The following RNF43 variants were observed in gnomAD, a reference collection of about 807,000 sequenced individuals.
RNF43 encodes the protein ring finger protein 43.
Under a neutral mutation model 78.4 loss-of-function variants are expected in RNF43, and 37 were observed. The ratio of observed to expected loss-of-function variants is 0.47; its 90% confidence interval spans 0.36 to 0.62. The LOEUF (loss-of-function observed/expected upper bound fraction) is 0.62. Among genes scored for constraint, RNF43 ranks in the 20% least tolerant of loss-of-function variants. RNF43 has a pLI of 0.00. For missense variants in RNF43, 774 were observed against 1,007.9 expected, an observed-to-expected ratio of 0.77 and a Z score of 3.14; for synonymous variants, 347 against 395.0, an observed-to-expected ratio of 0.88 and a Z score of 1.44.
intron 2 of RNF43, among the ~76,000 whole-genome samples, chr17:58,401,341 G>C (rs565822819): frequency 1.9e-4 from 29 of 152,216 alleles, no homozygotes; most frequent in Non-Finnish European, 4.0e-4. Flanking sequence ...CCTGATATTG[G>C]AACATCCATG....
chr17:58,366,992 A>ATTTTTTT (rs60382535), intron 3 of RNF43, among the ~76,000 whole-genome samples: 1 of 122,808 alleles, frequency 8.1e-6, no homozygotes, highest in African/African-American at 3.2e-5. Context: ...GGCCCGGCTA[A>ATTTTTTT]TTTTTTTTTT....
chr17:58,370,421 T>C lies in RNF43; in HGVS notation c.375+490A>G, dbSNP rs1286612661. On this transcript the variant is annotated intron_variant, in intron 3 of 9. Transcript: ENST00000407977. ...TAATTTTTAAATGTGGCAATTAATA[T>C]ACACATTGAAAAGTCGCTGTGAGGG... 2.6e-5 allele frequency among the ~76,000 whole-genome samples: 4 copies of C among 152,228 alleles called. No homozygotes were observed. The East Asian group carries it at 7.7e-4, about 29-fold the overall frequency.
chr17:58,361,481 A>G (rs1972833237), intron 6 of RNF43, among the ~76,000 whole-genome samples: 1 of 152,156 alleles, frequency 6.6e-6, no homozygotes, highest in Non-Finnish European at 1.5e-5. Context: ...TCCTAATCCA[A>G]GCTACCATTA....
At chr17:58,414,115 A>G (rs1350106876) in intron 2 of RNF43, among the ~76,000 whole-genome samples, 2 of 152,324 alleles carry the variant, frequency 1.3e-5, no homozygotes, top group Admixed American at 6.5e-5. Context: ...CTATTTTTCT[A>G]AATAGCAAAG....
chr17:58,397,272 A>T (rs1973702431), intron 2 of RNF43, among the ~76,000 whole-genome samples: 1 of 151,898 alleles, frequency 6.6e-6, no homozygotes. Context: ...AGAAAAGACC[A>T]AAAACATGAA....
chr17:58,390,645 T>G (rs1973533417), intron 2 of RNF43, among the ~76,000 whole-genome samples: 1 of 152,236 alleles, frequency 6.6e-6, no homozygotes, highest in South Asian at 2.1e-4. Context: ...TCAGTTGTAC[T>G]TGGTTTTCCT....
At chr17:58,396,467 T>G (rs1973682675) in intron 2 of RNF43, among the ~76,000 whole-genome samples, 2 of 152,166 alleles carry the variant, frequency 1.3e-5, no homozygotes, top group Non-Finnish European at 2.9e-5. Flanking sequence ...GGAGGTCAGA[T>G]TTAACTGTTT....
In RNF43 at chr17:58,360,120, C is replaced by T. The variant is rs753616530; in HGVS notation, c.952+29G>A. On this transcript the variant is annotated intron_variant, in intron 8 of 9. Transcript: ENST00000407977. The surrounding 1 kb of genome is among the most constrained non-coding windows in gnomAD (Gnocchi z 4.3). ...CACATTCTAGACCTGTCTGCCTACA[C>T]AGAGGGGAGTCCTTGGCCCACCTCC... is the stretch of plus-strand genomic sequence containing the variant. The T allele has an allele frequency of 1.3e-6, 2 of 1,546,964 alleles. No individual in the cohort carries two copies. The highest frequency in any genetic ancestry group is 1.8e-6 in the Non-Finnish European group (2 of 1,119,740).
Position 58,354,876 on chromosome 17 carries a change from A to G in RNF43, c.*67T>C. Reference sequence around the variant, plus strand: ...GGTCCTTTCCTTTCCCAGGAGCAGGACTCTGTGCCAGGTAGGGCCCAAACA... The same window carrying G: ...GGTCCTTTCCTTTCCCAGGAGCAGGGCTCTGTGCCAGGTAGGGCCCAAACA... On this transcript the variant is annotated 3_prime_UTR_variant, in exon 10 of 10. Transcript: ENST00000407977. 1 of 1,390,954 alleles carries G rather than the reference A, an allele frequency of 7.2e-7. No individual in the cohort carries two copies. The highest frequency in any genetic ancestry group is 1.0e-6 in the Non-Finnish European group (1 of 976,980). The allele number at this position is 1,390,954 out of a possible 1,614,324, so 86.2% of individuals were successfully genotyped here.
chr17:58,408,019 T>C (rs1973949321), intron 2 of RNF43, among the ~76,000 whole-genome samples: 1 of 152,218 alleles, frequency 6.6e-6, no homozygotes, highest in Admixed American at 6.5e-5. Context: ...TTGTCAGACA[T>C]CAATTTTTAC....
intron 2 of RNF43, among the ~76,000 whole-genome samples, chr17:58,382,928 G>T (rs1331264561): frequency 1.3e-5 from 2 of 152,176 alleles, no homozygotes; most frequent in Non-Finnish European, 2.9e-5. Flanking sequence ...GGGCCCTTCA[G>T]TCTCTCTCCC....
At chr17:58,410,849 A>T (rs1318364902) in intron 2 of RNF43, among the ~76,000 whole-genome samples, 1 of 152,238 alleles carries the variant, frequency 6.6e-6, no homozygotes, top group African/African-American at 2.4e-5. Context: ...TCAATCTCAG[A>T]TAATGGTACT....
chr17:58,406,711 A>G (rs78816331), intron 2 of RNF43, among the ~76,000 whole-genome samples: 5,736 of 151,926 alleles, frequency 0.038, 162 homozygotes, highest in East Asian at 0.073. Flanking sequence ...AATACAAAAG[A>G]CTGTAGAAAA....
At chr17:58,403,930 G>C (rs1292054001) in intron 2 of RNF43, among the ~76,000 whole-genome samples, 1 of 152,194 alleles carries the variant, frequency 6.6e-6, no homozygotes, top group African/African-American at 2.4e-5. Context: ...TTTTTCCAAA[G>C]GTTAGATTCA....
intron 2 of RNF43, among the ~76,000 whole-genome samples, chr17:58,377,022 G>C (rs1159386773): frequency 6.7e-6 from 1 of 149,206 alleles, no homozygotes; most frequent in Non-Finnish European, 1.5e-5. Flanking sequence ...TCATATTCCT[G>C]AGTCTATTCT....
rs146737123 is a variant in RNF43 at position 58,362,344 on chromosome 17, G to C, written c.687+200C>G. ...CTGGAACAGTGCCTGACACATAATA[G>C]AGCTTGGTGTATTTGTTGAATGGAT... is the stretch of plus-strand genomic sequence containing the variant. On this transcript the variant is annotated intron_variant, in intron 6 of 9. Transcript: ENST00000407977. 3.8e-3 allele frequency among the ~76,000 whole-genome samples: 573 copies of C among 152,290 alleles called. 16 individuals carry two copies. Among genetic ancestry groups the C allele is most frequent in the Non-Finnish European group, 7.4e-4 (50 of 68,026 alleles).
In RNF43 at chr17:58,380,505, G is replaced by A. The variant is rs573109546; in HGVS notation, c.253-9472C>T. Among the ~76,000 whole-genome samples the A allele has an allele frequency of 1.9e-4, 29 of 152,296 alleles. No individual in the cohort carries two copies. The South Asian group carries it at 5.6e-3, about 29-fold the overall frequency. On this transcript the variant is annotated intron_variant, in intron 2 of 9. Coordinates refer to ENST00000407977, the MANE Select transcript of RNF43 (RefSeq NM_017763.6). ...TTTATTATTTGATTTTGCTGTTCCTGTTCCAGCCAAGCTCACACCAGAGAT... is the reference window on the plus strand; with the variant it reads ...TTTATTATTTGATTTTGCTGTTCCTATTCCAGCCAAGCTCACACCAGAGAT...
chr17:58,401,365 A>T (rs909337179), intron 2 of RNF43, among the ~76,000 whole-genome samples: 1 of 152,194 alleles, frequency 6.6e-6, no homozygotes, highest in Non-Finnish European at 1.5e-5. Flanking sequence ...TTGGGTATGC[A>T]CCCACTGTTT....
In RNF43 at chr17:58,353,899, TG is replaced by T; in HGVS notation, c.*1043del. ...GGGGCCAAGAGTGGTCAGGCTGCCC[TG>T]GGGTGAATGTCACCCTGATGAGGCC... is the stretch of plus-strand genomic sequence containing the variant. On this transcript the variant is annotated 3_prime_UTR_variant, in exon 10 of 10. Coordinates refer to ENST00000407977, the MANE Select transcript of RNF43 (RefSeq NM_017763.6). 5.4e-6 allele frequency: 1 copy of T among 185,110 alleles called. No homozygotes were observed. Among genetic ancestry groups the T allele is most frequent in the Non-Finnish European group, 1.1e-5 (1 of 87,028 alleles). The allele number at this position is 185,110 out of a possible 1,614,324, so 11.5% of individuals were successfully genotyped here. A position where few individuals can be genotyped will look rare whatever the true frequency, so the allele number is the denominator to read the frequency against.
Sources: allele counts gnomAD v4.1 joint callset (sites outside exome capture counted in the v4.1 genomes callset), GRCh38; gene constraint gnomAD v4.1.1; non-coding constraint Gnocchi (gnomAD v3.1); transcripts MANE v1.5; gene names NCBI Gene and HGNC (gene_info 2026-07-23, HGNC 2026-07-21).